ARHGAP5: variants seen among roughly 807,000 people sequenced by gnomAD.
The protein encoded by ARHGAP5 is rho GTPase-activating protein 5.
ARHGAP5 carries 23 observed loss-of-function variants against 116.6 expected under a neutral mutation model. The ratio of observed to expected loss-of-function variants is 0.20; its 90% CI spans 0.14 to 0.28. The LOEUF (loss-of-function observed/expected upper bound fraction) is 0.28, where lower values mean the gene tolerates loss of function less well. ARHGAP5 is among the 10% of genes least tolerant of loss of function. ARHGAP5 has a pLI of 1.00. For synonymous variants in ARHGAP5, 574 were observed against 602.0 expected, an observed-to-expected ratio of 0.95 and a Z score of 0.68; for missense variants, 1,405 against 1,774.8, an observed-to-expected ratio of 0.79 and a Z score of 3.74.
At chr14:32,079,341 C>T (rs1026460778) in intron 1 of ARHGAP5, among the ~76,000 whole-genome samples, 4 of 152,036 alleles carry the variant, frequency 2.6e-5, no homozygotes, top group East Asian at 3.8e-4. Context: ...GTAAGAATTG[C>T]GGCAGAATTC....
At position 32,091,410 on chromosome 14, in the gene ARHGAP5, T is replaced by C. The variant is rs751142978; in HGVS notation, c.741T>C (p.Asp247=). The C allele has an allele frequency of 4.3e-6, 7 of 1,610,532 alleles. No individual in the cohort carries two copies. The Admixed American group carries it at 1.2e-4, about 27-fold the overall frequency. ...TCFTALVQML[D]KTRSKPKIIP... ...TTACTGCACTGGTACAAATGTTGGATAAAACTCGTAGCAAGCCTAAAATTA... is the reference window on the plus strand; with the variant it reads ...TTACTGCACTGGTACAAATGTTGGACAAAACTCGTAGCAAGCCTAAAATTA... Residue 247 remains aspartate (D), a synonymous_variant, in exon 2 of 7, where the codon GAT becomes GAC. Coordinates refer to ENST00000345122, the MANE Select transcript of ARHGAP5 (RefSeq NM_001030055.2).
intron 3 of ARHGAP5, among the ~76,000 whole-genome samples, chr14:32,135,451 C>T (rs952394278): frequency 2.0e-5 from 3 of 152,198 alleles, no homozygotes; most frequent in Non-Finnish European, 4.4e-5. Context: ...GAGGTGGAGT[C>T]TCCCTCTGTT....
chr14:32,158,137 TTTAAG>T lies in ARHGAP5; in HGVS notation c.*3193_*3197del, dbSNP rs1208804876. 6.6e-6 allele frequency: 1 copy of T among 151,722 alleles called. No individual in the cohort carries two copies. The highest frequency in any genetic ancestry group is 1.5e-5 in the Non-Finnish European group (1 of 67,720). The allele number at this position is 151,722 out of a possible 1,614,324, so 9.4% of individuals were successfully genotyped here. On this transcript the variant is annotated 3_prime_UTR_variant, in exon 7 of 7. Transcript: ENST00000345122. ...ATAAAACATTAAGAAGCTGTGTAAT[TTTAAG>T]TTATAGTTGCCTCTATTTTTACCAT...
intron 3 of ARHGAP5, among the ~76,000 whole-genome samples, chr14:32,129,920 C>G (rs1345146814): frequency 2.6e-5 from 4 of 152,102 alleles, no homozygotes; most frequent in African/African-American, 9.7e-5. Flanking sequence ...GACCACACTT[C>G]CAGGCACAGT....
At chr14:32,154,541 C>A in intron 6 of ARHGAP5, 80 bp from the exon 7 acceptor site, 1 of 1,191,912 alleles carries the variant, frequency 8.4e-7, no homozygotes, top group Non-Finnish European at 1.2e-6. Context: ...AACATTAAAT[C>A]TGAGATCATT....
At chr14:32,109,193 C>T (rs985757137) in intron 2 of ARHGAP5, among the ~76,000 whole-genome samples, 4 of 151,826 alleles carry the variant, frequency 2.6e-5, no homozygotes, top group African/African-American at 4.8e-5. Context: ...ACACTAAGCC[C>T]GAGAATCTTT....
At chr14:32,103,644 C>T (rs1217377981) in intron 2 of ARHGAP5, among the ~76,000 whole-genome samples, 6 of 152,022 alleles carry the variant, frequency 3.9e-5, no homozygotes, top group Non-Finnish European at 8.8e-5. Flanking sequence ...ATAGGTTTGC[C>T]AATTTATGTA....
At chr14:32,118,439 G>C (rs1197466479) in intron 3 of ARHGAP5, among the ~76,000 whole-genome samples, 5 of 152,036 alleles carry the variant, frequency 3.3e-5, no homozygotes, top group African/African-American at 1.2e-4. Context: ...GAAGGTTGCA[G>C]TGAGCCGAGA....
intron 3 of ARHGAP5, among the ~76,000 whole-genome samples, chr14:32,123,837 C>G (rs1209054941): frequency 6.6e-6 from 1 of 152,056 alleles, no homozygotes; most frequent in African/African-American, 2.4e-5. Flanking sequence ...TCTAGAGCAG[C>G]CTTTATTCTG....
intron 3 of ARHGAP5, among the ~76,000 whole-genome samples, chr14:32,131,657 A>C (rs1434891046): frequency 2.0e-5 from 3 of 152,152 alleles, no homozygotes; most frequent in South Asian, 2.1e-4. Flanking sequence ...ATATGTATAC[A>C]TGTGCCATGT....
In ARHGAP5 at chr14:32,149,915, T is replaced by G. The variant is rs1881564155; in HGVS notation, c.3957T>G (p.Asn1319Lys). 1 of 1,548,664 alleles carries G rather than the reference T, an allele frequency of 6.5e-7. No homozygotes were observed. Among genetic ancestry groups the G allele is most frequent in the Non-Finnish European group, 8.7e-7 (1 of 1,145,132 alleles). ...TTTGTCTTGTAGATCATAATATCAA[T>G]CTAGTGTCAATGGAAGTAACAGTAA... is the stretch of plus-strand genomic sequence containing the variant. The part of the protein sequence containing the change: ...QKQFDQDHNI[N>K]LVSMEVTVNA... Residue 1319 changes from asparagine to lysine, a missense_variant, in exon 5 of 7, where the codon AAT (asparagine) becomes AAG (lysine). Asn to Lys is a moderately conservative substitution (Grantham distance 94). Around this residue, in one of 6 missense-constraint regions of ARHGAP5, gnomAD observed 176 missense variants for 221.2 expected, o/e 0.80. Transcript: ENST00000345122.
chr14:32,117,762 G>C (rs1256329170), intron 3 of ARHGAP5, among the ~76,000 whole-genome samples: 1 of 152,176 alleles, frequency 6.6e-6, no homozygotes, highest in Non-Finnish European at 1.5e-5. Flanking sequence ...GTTCTAGCTT[G>C]ACATGGTTTA....
intron 3 of ARHGAP5, among the ~76,000 whole-genome samples, chr14:32,145,605 T>TA (rs893626053): frequency 2.0e-5 from 3 of 152,140 alleles, no homozygotes; most frequent in African/African-American, 4.8e-5. Flanking sequence ...TCAGGGAACT[T>TA]ACTGTCATGT....
chr14:32,090,574 C>G lies in ARHGAP5; in HGVS notation c.-96C>G. 1.8e-6 allele frequency: 2 copies of G among 1,140,508 alleles called. No homozygotes were observed. Among genetic ancestry groups the G allele is most frequent in the East Asian group, 2.4e-5 (1 of 42,090 alleles). The allele number at this position is 1,140,508 out of a possible 1,614,324, so 70.6% of individuals were successfully genotyped here. A position where few individuals can be genotyped will look rare whatever the true frequency, so the allele number is the denominator to read the frequency against. The stretch of plus-strand genomic sequence containing the variant: ...GAAATACAAAGAACCAAATACAGTT[C>G]TGAAATTTGGGATCTGTATTTTGAG... On this transcript the variant is annotated 5_prime_UTR_variant, in exon 2 of 7. Coordinates refer to ENST00000345122, the MANE Select transcript of ARHGAP5 (RefSeq NM_001030055.2).
chr14:32,086,604 T>G (rs1594340637), intron 1 of ARHGAP5, among the ~76,000 whole-genome samples: 1 of 152,022 alleles, frequency 6.6e-6, no homozygotes, highest in Non-Finnish European at 1.5e-5. Flanking sequence ...TATTTTTAAA[T>G]ATATACCTTT....
intron 1 of ARHGAP5, among the ~76,000 whole-genome samples, chr14:32,085,966 G>C (rs1372106805): frequency 3.3e-5 from 5 of 152,130 alleles, no homozygotes; most frequent in Non-Finnish European, 5.9e-5. Flanking sequence ...TTTAAATTAG[G>C]ATTTATGCAT....
intron 1 of ARHGAP5, among the ~76,000 whole-genome samples, chr14:32,083,465 GA>G (rs1230002606): frequency 1.3e-5 from 2 of 152,214 alleles, no homozygotes; most frequent in Admixed American, 1.3e-4. Context: ...GCCCTTTACA[GA>G]AAAAGTTTTC....
At chr14:32,077,944 A>T (rs1237518716) in intron 1 of ARHGAP5, among the ~76,000 whole-genome samples, 1 of 151,680 alleles carries the variant, frequency 6.6e-6, no homozygotes, top group Non-Finnish European at 1.5e-5. Context: ...CGGCCCTTTC[A>T]CTTTCCCTCA....
chr14:32,126,761 T>C (rs1880174463), intron 3 of ARHGAP5, among the ~76,000 whole-genome samples: 3 of 152,198 alleles, frequency 2.0e-5, no homozygotes, highest in Admixed American at 2.0e-4. Context: ...CTTTCATTTA[T>C]TGATGTATTA....
Sources: allele counts gnomAD v4.1 joint callset (sites outside exome capture counted in the v4.1 genomes callset), GRCh38; gene constraint gnomAD v4.1.1; regional missense constraint gnomAD v4.1.1; transcripts MANE v1.5; gene names NCBI Gene and HGNC (gene_info 2026-07-23, HGNC 2026-07-21).